CCDC180: variants seen among roughly 807,000 people sequenced by gnomAD.
CCDC180 encodes coiled-coil domain-containing protein 180.
A neutral mutation model predicts 209.2 loss-of-function variants in CCDC180; 154 were observed. The observed-to-expected ratio is 0.74, with a 90% CI of 0.65 to 0.84. The LOEUF (loss-of-function observed/expected upper bound fraction) is 0.84. Among genes scored for constraint, CCDC180 ranks in the 40% least tolerant of loss-of-function variants. CCDC180 has a pLI of 0.00. For synonymous variants in CCDC180, 778 were observed against 749.1 expected, an observed-to-expected ratio of 1.04 and a Z score of -0.63; for missense variants, 1,874 against 1,997.3, an observed-to-expected ratio of 0.94 and a Z score of 1.18.
At chr9:97,341,402 G>C (rs1429409615) in intron 18 of CCDC180, among the ~76,000 whole-genome samples, 2 of 152,164 alleles carry the variant, frequency 1.3e-5, no homozygotes, top group East Asian at 1.9e-4. Context: ...ATTCCTTTCT[G>C]TTTGTTAGTT....
chr9:97,376,420 C>T (rs1827260310), intron 36 of CCDC180: 1 of 177,462 alleles, frequency 5.6e-6, no homozygotes, highest in African/African-American at 2.4e-5. Context: ...GCCCAGCCTA[C>T]CAAAAAATCG....
At chr9:97,316,117 T>G (rs1833164505) in intron 8 of CCDC180, among the ~76,000 whole-genome samples, 1 of 152,218 alleles carries the variant, frequency 6.6e-6, no homozygotes, top group Non-Finnish European at 1.5e-5. Flanking sequence ...GCACATTTTA[T>G]CCAATAGAAG....
chr9:97,361,667 T>C, intron 26 of CCDC180, 59 bp from the exon 27 acceptor site: 3 of 1,568,872 alleles, frequency 1.9e-6, no homozygotes, highest in Non-Finnish European at 1.7e-6. Flanking sequence ...TTCGGCCTGC[T>C]GCCTCGCTGG....
At chr9:97,360,238 C>T in intron 26 of CCDC180, 137 bp downstream of exon 26, 1 of 1,051,052 alleles carries the variant, frequency 9.5e-7, no homozygotes, top group East Asian at 2.5e-5. Flanking sequence ...TACTGAGATG[C>T]TGTGGAAAGA....
At chr9:97,329,198 G>A (rs1174261050) in intron 16 of CCDC180, among the ~76,000 whole-genome samples, 1 of 152,224 alleles carries the variant, frequency 6.6e-6, no homozygotes, top group East Asian at 1.9e-4. Flanking sequence ...GCTATAGGAT[G>A]GCGAACTTAT....
chr9:97,349,011 G>C (rs981581387), intron 20 of CCDC180, 100 bp from the exon 21 acceptor site: 15 of 1,114,914 alleles, frequency 1.3e-5, no homozygotes, highest in Non-Finnish European at 1.9e-5. Flanking sequence ...CTGTTCTGCA[G>C]CTGGCCTGGA....
rs560462933 is a variant in CCDC180 at position 97,330,658 on chromosome 9, A to T, written c.2165A>T (p.Glu722Val). ...AAGGGTCAAGGAGAAAAGAAGGAGG[A>T]GTCAGAGGAGGAAGATGAGAAGGAG... ...NVKGQGEKKE[E>V]SEEEDEKEEE... Residue 722 changes from glutamate to valine, a missense_variant, in exon 18 of 37, where the codon GAG becomes GTG. By Grantham distance (121) the Glu-to-Val change is moderately radical. Transcript: ENST00000529487. 2 of 1,608,044 alleles carry T rather than the reference A, an allele frequency of 1.2e-6. No individual in the cohort carries two copies. Among genetic ancestry groups the T allele is most frequent in the East Asian group, 4.5e-5 (2 of 44,678 alleles).
chr9:97,360,920 T>G (rs1173944993), intron 26 of CCDC180, among the ~76,000 whole-genome samples: 3 of 152,192 alleles, frequency 2.0e-5, no homozygotes, highest in African/African-American at 7.2e-5. Context: ...AGTAGAGCAC[T>G]GCTAGGCCCT....
intron 18 of CCDC180, among the ~76,000 whole-genome samples, chr9:97,331,328 C>A (rs1299995827): frequency 6.6e-6 from 1 of 152,088 alleles, no homozygotes; most frequent in African/African-American, 2.4e-5. Flanking sequence ...TGTCAATGGG[C>A]GTTTAGGTTG....
At chr9:97,334,239 G>T (rs920881217) in intron 18 of CCDC180, among the ~76,000 whole-genome samples, 2 of 152,084 alleles carry the variant, frequency 1.3e-5, no homozygotes, top group Admixed American at 1.3e-4. Flanking sequence ...GAAAAGCTGG[G>T]ACTCTTTTTA....
rs1826535702 is a variant in CCDC180 at position 97,355,002 on chromosome 9, G to A, written c.3258G>A (p.Lys1086=). 3.8e-6 allele frequency: 6 copies of A among 1,598,506 alleles called. No individual in the cohort carries two copies. The East Asian group carries it at 1.3e-4, about 36-fold the overall frequency. The part of the protein sequence containing the change: ...RLLTNLQVKI[K]CQVAKSNSQT... ...TGACGAATCTGCAAGTGAAAATCAA[G>A]TGCCAGGTAGGATAGATTCATTCTT... Residue 1086 remains lysine (K), a synonymous_variant, in exon 24 of 37, where the codon AAG becomes AAA. Coordinates refer to ENST00000529487, the MANE Select transcript of CCDC180 (RefSeq NM_020893.6).
intron 18 of CCDC180, among the ~76,000 whole-genome samples, chr9:97,342,467 A>G (rs1249885598): frequency 6.6e-6 from 1 of 152,042 alleles, no homozygotes; most frequent in Non-Finnish European, 1.5e-5. Context: ...TTTAGTAGAG[A>G]CAGGGTTTCA....
chr9:97,371,381 C>T, intron 33 of CCDC180: 2 of 397,850 alleles, frequency 5.0e-6, no homozygotes, highest in Non-Finnish European at 4.5e-6. Context: ...TGTGTGTGTC[C>T]CTTGGCCGTT....
At chr9:97,358,001 A>T (rs1435211812) in intron 25 of CCDC180, 1 of 316,814 alleles carries the variant, frequency 3.2e-6, no homozygotes, top group Non-Finnish European at 5.7e-6. Flanking sequence ...CTCTGACCTC[A>T]CTCCCTTGGG....
At chr9:97,351,141 G>C (rs1826410140) in intron 22 of CCDC180, among the ~76,000 whole-genome samples, 1 of 152,136 alleles carries the variant, frequency 6.6e-6, no homozygotes, top group Admixed American at 6.5e-5. Context: ...CCTGTTCAAG[G>C]TCCTGGTTTT....
chr9:97,353,735 T>C (rs1025201446), intron 22 of CCDC180, among the ~76,000 whole-genome samples: 3 of 152,204 alleles, frequency 2.0e-5, no homozygotes, highest in Non-Finnish European at 4.4e-5. Context: ...AAGTCTAGTT[T>C]GTGTGATGAA....
At chr9:97,348,408 A>G (rs1826334674) in intron 20 of CCDC180, among the ~76,000 whole-genome samples, 1 of 152,192 alleles carries the variant, frequency 6.6e-6, no homozygotes, top group Non-Finnish European at 1.5e-5. Flanking sequence ...TTCTATGTGC[A>G]CTGAGTAAAA....
intron 30 of CCDC180, 75 bp downstream of exon 30, chr9:97,365,814 G>T: frequency 1.5e-6 from 2 of 1,325,574 alleles, no homozygotes; most frequent in East Asian, 2.3e-5. Flanking sequence ...GATCATGGCC[G>T]CTTGGGGGAA....
At chr9:97,315,385 C>T (rs908429982) in intron 8 of CCDC180, among the ~76,000 whole-genome samples, 17 of 152,146 alleles carry the variant, frequency 1.1e-4, no homozygotes, top group African/African-American at 3.9e-4. Flanking sequence ...GCTTTTCTGC[C>T]TCTTCTTGCC....
Sources: allele counts gnomAD v4.1 joint callset (sites outside exome capture counted in the v4.1 genomes callset), GRCh38; gene constraint gnomAD v4.1.1; transcripts MANE v1.5; gene names NCBI Gene and HGNC (gene_info 2026-07-23, HGNC 2026-07-21).